Variants in SLC9A9 observed in about 807,000 individuals in gnomAD.
SLC9A9 encodes sodium/hydrogen exchanger 9.
SLC9A9 carries 62 observed loss-of-function variants against 77.8 expected under a neutral mutation model. The observed-to-expected ratio is 0.80, with a 90% CI of 0.65 to 0.98. The LOEUF (loss-of-function observed/expected upper bound fraction) is 0.98. Ranked by LOEUF, SLC9A9 falls within the 50% of genes least tolerant of loss-of-function variation. SLC9A9 has a pLI of 0.00. For missense variants in SLC9A9, 775 were observed against 774.9 expected (o/e 1.00, Z 0.00); for synonymous variants, 320 against 283.5 (o/e 1.13, Z -1.29).
chr3:143,811,705 C>CA (rs886339730), intron 2 of SLC9A9: 2 of 453,978 alleles, frequency 4.4e-6, no homozygotes, highest in African/African-American at 4.0e-5. Context: ...AACAAAAAAA[C>CA]AAAAAAATTA....
At chr3:143,728,259 A>C (rs937201581) in intron 4 of SLC9A9, among the ~76,000 whole-genome samples, 1 of 152,184 alleles carries the variant, frequency 6.6e-6, no homozygotes, top group Non-Finnish European at 1.5e-5. Context: ...ACGACCTGTC[A>C]GTGGTGGAGA....
At chr3:143,529,009 G>A (rs762311109) in intron 9 of SLC9A9, among the ~76,000 whole-genome samples, 2 of 152,208 alleles carry the variant, frequency 1.3e-5, no homozygotes, top group African/African-American at 2.4e-5. Flanking sequence ...AAAGGAGAAT[G>A]TGTGTATCTT....
intron 2 of SLC9A9, among the ~76,000 whole-genome samples, chr3:143,828,811 G>A (rs1337615192): frequency 1.3e-5 from 2 of 152,198 alleles, no homozygotes; most frequent in African/African-American, 2.4e-5. Flanking sequence ...TGGTAGATCT[G>A]CAGCAGTGGA....
chr3:143,383,565 T>C (rs1490350919), intron 12 of SLC9A9, among the ~76,000 whole-genome samples: 1 of 152,160 alleles, frequency 6.6e-6, no homozygotes, highest in African/African-American at 2.4e-5. Flanking sequence ...TATAAGACCA[T>C]GGGAACACAG....
chr3:143,477,555 A>G (rs1032992147), intron 11 of SLC9A9, among the ~76,000 whole-genome samples: 1 of 151,934 alleles, frequency 6.6e-6, no homozygotes, highest in Non-Finnish European at 1.5e-5. Flanking sequence ...GCCTTGTTAT[A>G]TTTGAATCAC....
chr3:143,501,742 C>T (rs535712006), intron 9 of SLC9A9, among the ~76,000 whole-genome samples: 3 of 151,000 alleles, frequency 2.0e-5, no homozygotes, highest in East Asian at 1.9e-4. Flanking sequence ...ATTTATATCA[C>T]GTAACAACAT....
chr3:143,290,048 A>G (rs1301940039), intron 14 of SLC9A9, among the ~76,000 whole-genome samples: 1 of 152,130 alleles, frequency 6.6e-6, no homozygotes. Flanking sequence ...TATCCTCAGT[A>G]ATTCAGAACT....
chr3:143,627,976 G>A (rs1434400872), intron 6 of SLC9A9, among the ~76,000 whole-genome samples: 1 of 152,152 alleles, frequency 6.6e-6, no homozygotes, highest in Non-Finnish European at 1.5e-5. Context: ...CTGCCAGGAG[G>A]GCAGCCCATT....
At chr3:143,330,360 C>A (rs532618385) in intron 14 of SLC9A9, among the ~76,000 whole-genome samples, 1 of 152,176 alleles carries the variant, frequency 6.6e-6, no homozygotes, top group African/African-American at 2.4e-5. Context: ...AGCTCAGAAT[C>A]TGAAAGGGAC....
chr3:143,795,038 C>T lies in SLC9A9; in HGVS notation c.496G>A (p.Ala166Thr). The change falls in exon 4 of 16, where the codon GCC becomes ACC. Residue 166 changes from alanine to threonine, a missense_variant. Ala to Thr is a moderately conservative substitution (Grantham distance 58, BLOSUM62 0). Transcript: ENST00000316549. Reference protein sequence around the residue: ...FQNLGSILTYAFLGTAISCIV... With the variant: ...FQNLGSILTYTFLGTAISCIV... ...CAGGAGATGGCAGTTCCCAAGAAGG[C>T]ATACGTTAAAATAGATCCTAAGTTT... 1 of 1,613,724 alleles carries T rather than the reference C, an allele frequency of 6.2e-7. No individual in the cohort carries two copies. The highest frequency in any genetic ancestry group is 8.5e-7 in the Non-Finnish European group (1 of 1,179,898).
At chr3:143,347,226 T>C (rs2032309564) in intron 14 of SLC9A9, among the ~76,000 whole-genome samples, 1 of 152,146 alleles carries the variant, frequency 6.6e-6, no homozygotes, top group African/African-American at 2.4e-5. Context: ...TAGCCATGTA[T>C]TGGCCCAGTA....
intron 8 of SLC9A9, among the ~76,000 whole-genome samples, chr3:143,554,460 G>A (rs955983313): frequency 6.6e-6 from 1 of 152,122 alleles, no homozygotes; most frequent in African/African-American, 2.4e-5. Flanking sequence ...CCTTCAAAAT[G>A]CACCTTGAAC....
At chr3:143,626,143 T>C (rs201706512) in intron 6 of SLC9A9, among the ~76,000 whole-genome samples, 16,574 of 152,132 alleles carry the variant, frequency 0.11, 1,062 homozygotes, top group Non-Finnish European at 0.14. Flanking sequence ...TGTGGAGAAA[T>C]AGGAACACTT....
intron 5 of SLC9A9, among the ~76,000 whole-genome samples, chr3:143,691,797 C>T (rs1314335344): frequency 6.6e-6 from 1 of 152,056 alleles, no homozygotes. Context: ...AACCGAAGTC[C>T]TATAATAAGT....
chr3:143,671,404 C>T (rs2039151705), intron 5 of SLC9A9, among the ~76,000 whole-genome samples: 1 of 152,136 alleles, frequency 6.6e-6, no homozygotes, highest in African/African-American at 2.4e-5. Flanking sequence ...ACCTATATTT[C>T]ATTAACTTGC....
intron 5 of SLC9A9, among the ~76,000 whole-genome samples, chr3:143,654,416 G>A (rs1480211501): frequency 6.6e-6 from 1 of 152,200 alleles, no homozygotes; most frequent in Non-Finnish European, 1.5e-5. Context: ...ATCATGATAG[G>A]TAAAATGGCA....
intron 14 of SLC9A9, among the ~76,000 whole-genome samples, chr3:143,301,575 AAG>A (rs1008612581): frequency 6.6e-6 from 1 of 152,220 alleles, no homozygotes; most frequent in Non-Finnish European, 1.5e-5. Flanking sequence ...TCCTCTGCAG[AAG>A]ATGAGACAGA....
chr3:143,621,519 C>T (rs2038212624), intron 6 of SLC9A9, among the ~76,000 whole-genome samples: 1 of 152,184 alleles, frequency 6.6e-6, no homozygotes, highest in African/African-American at 2.4e-5. Flanking sequence ...TGGAGTGGAC[C>T]TCCAGCAAAC....
chr3:143,810,451 G>T (rs1576743619), intron 2 of SLC9A9, among the ~76,000 whole-genome samples: 1 of 152,256 alleles, frequency 6.6e-6, no homozygotes, highest in South Asian at 2.1e-4. Context: ...TAAAAACATT[G>T]TTTCATCAAT....
Sources: allele counts gnomAD v4.1 joint callset (sites outside exome capture counted in the v4.1 genomes callset), GRCh38; gene constraint gnomAD v4.1.1; transcripts MANE v1.5; gene names NCBI Gene and HGNC (gene_info 2026-07-23, HGNC 2026-07-21).